Variants in NALF1 observed in about 807,000 individuals in gnomAD.
NALF1 encodes the protein family with sequence similarity 155 member A.
NALF1 carries 3 observed loss-of-function variants against 48.4 expected under a neutral mutation model. That is an observed-to-expected ratio of 0.06 (90% CI 0.03 to 0.16). The LOEUF is 0.16. Ranked by LOEUF, NALF1 falls within the 10% of genes least tolerant of loss-of-function variation. The pLI is 1.00. For missense variants in NALF1, 526 were observed against 571.5 expected (o/e 0.92, Z 0.81); for synonymous variants, 262 against 245.7 (o/e 1.07, Z -0.62).
intron 2 of NALF1, among the ~76,000 whole-genome samples, chr13:107,172,133 C>T (rs1323047526): frequency 1.3e-5 from 2 of 152,208 alleles, no homozygotes; most frequent in African/African-American, 4.8e-5. Context: ...CCTAAAATGT[C>T]CTCCACCAAT....
intron 1 of NALF1, among the ~76,000 whole-genome samples, chr13:107,566,805 G>A (rs1877823139): frequency 6.6e-6 from 1 of 152,104 alleles, no homozygotes; most frequent in Non-Finnish European, 1.5e-5. Flanking sequence ...GAGTGGATTT[G>A]ACATTTGCAG....
At chr13:107,771,087 T>C (rs180757247) in intron 1 of NALF1, among the ~76,000 whole-genome samples, 97 of 152,334 alleles carry the variant, frequency 6.4e-4, no homozygotes, top group Non-Finnish European at 3.1e-4. Context: ...TTTATCTATC[T>C]ATGTATTCTA....
chr13:107,373,797 CAT>C (rs962209352), intron 1 of NALF1, among the ~76,000 whole-genome samples: 4 of 152,072 alleles, frequency 2.6e-5, no homozygotes, highest in African/African-American at 4.8e-5. Context: ...ACAAAAAGCA[CAT>C]GTTTCAATGT....
Position 107,817,874 on chromosome 13 carries a change from G to A in NALF1, c.915+47808C>T, listed in dbSNP as rs143557647. On this transcript the variant is annotated intron_variant, in intron 1 of 2. Coordinates refer to ENST00000375915, the MANE Select transcript of NALF1 (RefSeq NM_001080396.3). Reference sequence around the variant, plus strand: ...ATTTGTTTATTTGCATCATAGTAGCGCAGCCCAAAGGCTTTTGTTTTTATA... The same window carrying A: ...ATTTGTTTATTTGCATCATAGTAGCACAGCCCAAAGGCTTTTGTTTTTATA... Among the ~76,000 whole-genome samples, 72 of 152,130 alleles carry A rather than the reference G, an allele frequency of 4.7e-4. 2 individuals are homozygous for A. In the East Asian group the frequency reaches 9.3e-3, roughly 20 times the overall value.
chr13:107,650,252 G>A (rs1029366921), intron 1 of NALF1, among the ~76,000 whole-genome samples: 1 of 152,062 alleles, frequency 6.6e-6, no homozygotes, highest in Admixed American at 6.5e-5. Context: ...CAGAACCAGG[G>A]TACCCCTGGC....
chr13:107,310,147 C>G (rs746302348), intron 1 of NALF1, among the ~76,000 whole-genome samples: 14 of 152,064 alleles, frequency 9.2e-5, no homozygotes, highest in Non-Finnish European at 1.9e-4. Flanking sequence ...TGGTGGCTCA[C>G]GCCTGTAATC....
chr13:107,778,652 A>G (rs184277889), intron 1 of NALF1, among the ~76,000 whole-genome samples: 48 of 152,176 alleles, frequency 3.2e-4, no homozygotes, highest in Admixed American at 2.6e-3. Context: ...GCCTATGTTT[A>G]GAAGGGCCTA....
At chr13:107,492,086 A>C (rs536269373) in intron 1 of NALF1, among the ~76,000 whole-genome samples, 8 of 123,310 alleles carry the variant, frequency 6.5e-5, no homozygotes, top group Admixed American at 1.0e-4. Flanking sequence ...TCTGTCGCCC[A>C]GGCTGGAGGA....
chr13:107,686,564 T>C (rs1328624004), intron 1 of NALF1, among the ~76,000 whole-genome samples: 1 of 152,078 alleles, frequency 6.6e-6, no homozygotes, highest in Non-Finnish European at 1.5e-5. Flanking sequence ...TAGCTAATTT[T>C]TGTACTTTCA....
At chr13:107,529,373 G>T (rs979300116) in intron 1 of NALF1, among the ~76,000 whole-genome samples, 3 of 152,158 alleles carry the variant, frequency 2.0e-5, no homozygotes, top group Non-Finnish European at 4.4e-5. Context: ...GTAGCAATTG[G>T]GTAGGCAGTC....
At chr13:107,289,785 T>C (rs1306645926) in intron 1 of NALF1, among the ~76,000 whole-genome samples, 4 of 152,168 alleles carry the variant, frequency 2.6e-5, no homozygotes, top group African/African-American at 4.8e-5. Context: ...CCAGAATAGC[T>C]TGGAATATAG....
Position 107,164,188 on chromosome 13 carries a change from T to C in NALF1, c.*6309A>G, listed in dbSNP as rs1001028490. 2.6e-5 allele frequency: 4 copies of C among 152,310 alleles called. No homozygotes were observed. The East Asian group carries it at 5.8e-4, about 22-fold the overall frequency. The allele number at this position is 152,310 out of a possible 1,614,324, so 9.4% of individuals were successfully genotyped here. On this transcript the variant is annotated 3_prime_UTR_variant, in exon 3 of 3. Transcript: ENST00000375915. ...GCTCATTACCTGGTCTTCACTGAAG[T>C]TGTAAATTTATTTCACTGATCCTTC...
At chr13:107,222,154 T>C (rs563367198) in intron 1 of NALF1, among the ~76,000 whole-genome samples, 40 of 152,272 alleles carry the variant, frequency 2.6e-4, no homozygotes, top group Non-Finnish European at 4.6e-4. Flanking sequence ...CAGAATTATA[T>C]CTGGAAAAAA....
intron 1 of NALF1, among the ~76,000 whole-genome samples, chr13:107,343,816 A>C (rs1882724893): frequency 6.6e-6 from 1 of 152,220 alleles, no homozygotes; most frequent in Non-Finnish European, 1.5e-5. Flanking sequence ...AAAAAGAACG[A>C]AGTAAACAGG....
At chr13:107,209,720 T>A (rs1879720539) in intron 2 of NALF1, among the ~76,000 whole-genome samples, 1 of 152,180 alleles carries the variant, frequency 6.6e-6, no homozygotes, top group Non-Finnish European at 1.5e-5. Context: ...TTCATGTGTC[T>A]CTACACATAT....
chr13:107,487,617 C>T (rs190970982), intron 1 of NALF1, among the ~76,000 whole-genome samples: 91 of 152,156 alleles, frequency 6.0e-4, no homozygotes, highest in Non-Finnish European at 1.1e-3. Context: ...CCTTGGATTC[C>T]GCAGATGAAG....
chr13:107,790,041 A>G (rs1218968622), intron 1 of NALF1, among the ~76,000 whole-genome samples: 4 of 152,218 alleles, frequency 2.6e-5, no homozygotes, highest in Non-Finnish European at 5.9e-5. Flanking sequence ...CCTCCATAAA[A>G]TTACTGCTAT....
In NALF1 at chr13:107,480,326, G is replaced by A. The variant is rs1594085692; in HGVS notation, c.916-269571C>T. Among the ~76,000 whole-genome samples the A allele has an allele frequency of 2.6e-5, 4 of 152,212 alleles. No homozygotes were observed. The East Asian group carries it at 7.7e-4, about 29-fold the overall frequency. ...TAGTAAAACATGTAGTGCCTTTCAG[G>A]TGGTTAAGCTTACTCATTAGCTTAC... On this transcript the variant is annotated intron_variant, in intron 1 of 2. Transcript: ENST00000375915.
At chr13:107,664,349 A>G (rs1880803584) in intron 1 of NALF1, among the ~76,000 whole-genome samples, 1 of 152,030 alleles carries the variant, frequency 6.6e-6, no homozygotes, top group Non-Finnish European at 1.5e-5. Flanking sequence ...CTCCAGCCTC[A>G]CCTGGATCAT....
Sources: allele counts gnomAD v4.1 joint callset (sites outside exome capture counted in the v4.1 genomes callset), GRCh38; gene constraint gnomAD v4.1.1; transcripts MANE v1.5; gene names NCBI Gene and HGNC (gene_info 2026-07-23, HGNC 2026-07-21).